The following MYL12B variants were observed in gnomAD, a reference collection of about 807,000 sequenced individuals.
The protein encoded by MYL12B is myosin regulatory light chain 12B.
MYL12B carries 3 observed loss-of-function variants against 12.9 expected under a neutral mutation model. The ratio of observed to expected loss-of-function variants is 0.23; its 90% CI spans 0.11 to 0.60. The LOEUF (loss-of-function observed/expected upper bound fraction) is 0.60. MYL12B is among the 20% of genes least tolerant of loss of function. The pLI is 0.89. For missense variants in MYL12B, 120 were observed against 215.4 expected (o/e 0.56, Z 2.77); for synonymous variants, 57 against 71.9 (o/e 0.79, Z 1.05).
intron 2 of MYL12B, chr18:3,276,959 G>T (rs1382126670): frequency 1.0e-6 from 1 of 982,962 alleles, no homozygotes; most frequent in East Asian, 1.1e-4. Context: ...TAATAATGTG[G>T]CACTGCCTGG....
chr18:3,265,800 A>T (rs1185033030), intron 1 of MYL12B, among the ~76,000 whole-genome samples: 5 of 152,016 alleles, frequency 3.3e-5, no homozygotes, highest in African/African-American at 1.2e-4. Context: ...AGCCAGAGGA[A>T]TTCAGCCAAA....
intron 2 of MYL12B, among the ~76,000 whole-genome samples, chr18:3,274,779 G>T (rs2081715109): frequency 6.6e-6 from 1 of 152,254 alleles, no homozygotes; most frequent in Non-Finnish European, 1.5e-5. Context: ...AACTGTAGAA[G>T]TACGGAGTCT....
At chr18:3,272,789 T>C in intron 1 of MYL12B, 95 bp from the exon 2 acceptor site, 1 of 1,140,340 alleles carries the variant, frequency 8.8e-7, no homozygotes, top group African/African-American at 1.6e-5. Flanking sequence ...CTTATTGATA[T>C]TTTTACCTAC....
At chr18:3,275,962 C>T (rs1464665803) in intron 2 of MYL12B, among the ~76,000 whole-genome samples, 1 of 152,090 alleles carries the variant, frequency 6.6e-6, no homozygotes, top group Non-Finnish European at 1.5e-5. Flanking sequence ...ATGATGTTTA[C>T]ATTTCACCCA....
At position 3,277,846 on chromosome 18, in the gene MYL12B, A is replaced by G. The variant is rs769286250; in HGVS notation, c.428A>G (p.Tyr143Cys). The G allele has an allele frequency of 3.7e-6, 6 of 1,614,140 alleles. No individual in the cohort carries two copies. Among genetic ancestry groups the G allele is most frequent in the Non-Finnish European group, 5.1e-6 (6 of 1,180,012 alleles). The stretch of plus-strand genomic sequence containing the variant: ...ACAGATGAGGAAGTGGATGAGCTGT[A>G]CAGAGAAGCACCTATTGACAAAAAG... ...RFTDEEVDEL[Y>C]REAPIDKKGN... The change falls in exon 4 of 4, where the codon TAC (tyrosine) becomes TGC (cysteine). Residue 143 changes from tyrosine (Y) to cysteine (C), a missense_variant. Physicochemically the swap from Tyr to Cys is radical, Grantham distance 194. Coordinates refer to ENST00000237500, the MANE Select transcript of MYL12B (RefSeq NM_033546.4).
intron 2 of MYL12B, chr18:3,276,619 AAATACAACTTTGAAGCATATC>A (rs1165974129): frequency 1.1e-6 from 1 of 935,466 alleles, no homozygotes; most frequent in Non-Finnish European, 1.3e-6. Context: ...GCCAACTTAT[AAATACAACTTTGAAGCATATC>A]AACTTATGGG....
At chr18:3,266,996 A>G (rs1359862941) in intron 1 of MYL12B, among the ~76,000 whole-genome samples, 3 of 152,252 alleles carry the variant, frequency 2.0e-5, no homozygotes, top group African/African-American at 7.2e-5. Context: ...AACCATAATG[A>G]CAACATTGAA....
chr18:3,267,490 A>G (rs2081642947), intron 1 of MYL12B, among the ~76,000 whole-genome samples: 2 of 152,158 alleles, frequency 1.3e-5, no homozygotes, highest in Non-Finnish European at 2.9e-5. Flanking sequence ...ATTATCAACT[A>G]AGTATGTTGA....
At chr18:3,271,903 A>G (rs1371634509) in intron 1 of MYL12B, 1 of 187,350 alleles carries the variant, frequency 5.3e-6, no homozygotes, top group African/African-American at 2.4e-5. Flanking sequence ...TGGAGGAATG[A>G]TTGGGAAGAA....
chr18:3,277,640 T>C (rs2081744584), intron 3 of MYL12B, 125 bp from the exon 4 acceptor site: 1 of 1,320,776 alleles, frequency 7.6e-7, no homozygotes, highest in Non-Finnish European at 1.0e-6. Context: ...CTTAGTTCAC[T>C]AACTTACTTT....
chr18:3,277,916 A>T lies in MYL12B; in HGVS notation c.498A>T (p.Gly166=). 6.2e-7 allele frequency: 1 copy of T among 1,613,896 alleles called. No individual in the cohort carries two copies. Among genetic ancestry groups the T allele is most frequent in the Non-Finnish European group, 8.5e-7 (1 of 1,179,900 alleles). The part of the protein sequence containing the change: ...YIEFTRILKH[G]AKDKDD ...AGTTCACACGCATCCTGAAACATGG[A>T]GCCAAAGACAAAGATGACTGAAAGA... Residue 166 remains glycine (G), a synonymous_variant, in exon 4 of 4, where the codon GGA becomes GGT. Coordinates refer to ENST00000237500, the MANE Select transcript of MYL12B (RefSeq NM_033546.4).
chr18:3,277,980 CT>C lies in MYL12B; in HGVS notation c.*47del. The C allele has an allele frequency of 6.3e-7, 1 of 1,590,966 alleles. No homozygotes were observed. ...TCTTCCAGTTACATTGTCTTACTCT[CT>C]TTTACTTCTCAGACACTTCCCCCAC... is the stretch of plus-strand genomic sequence containing the variant. On this transcript the variant is annotated 3_prime_UTR_variant, in exon 4 of 4. Transcript: ENST00000237500.
chr18:3,276,946 A>G, intron 2 of MYL12B: 1 of 948,412 alleles, frequency 1.1e-6, no homozygotes, highest in East Asian at 1.2e-4. Context: ...AAAAATTAAG[A>G]TGTAATAATG....
intron 2 of MYL12B, chr18:3,276,690 T>C (rs1299210092): frequency 2.1e-6 from 1 of 476,904 alleles, no homozygotes; most frequent in Non-Finnish European, 2.6e-6. Context: ...TTTAGATTTT[T>C]TTGTATGACT....
At chr18:3,275,345 TAA>T (rs2081720428) in intron 2 of MYL12B, among the ~76,000 whole-genome samples, 1 of 152,062 alleles carries the variant, frequency 6.6e-6, no homozygotes, top group African/African-American at 2.4e-5. Context: ...TGGGAACTGT[TAA>T]TAGATACAAA....
At chr18:3,267,425 G>T (rs1205836566) in intron 1 of MYL12B, among the ~76,000 whole-genome samples, 2 of 152,140 alleles carry the variant, frequency 1.3e-5, no homozygotes, top group Non-Finnish European at 1.5e-5. Flanking sequence ...AATGATGATG[G>T]TGTCCATGTT....
chr18:3,278,052 CT>C lies in MYL12B; in HGVS notation c.*117del, dbSNP rs369668874. On this transcript the variant is annotated 3_prime_UTR_variant, in exon 4 of 4. Transcript: ENST00000237500. ...GCAACTTAGTTTCACAGCTTTGCCTCTTCTTTTTGATGTATTTATTCCAGAC... is the reference window on the plus strand; with the variant it reads ...GCAACTTAGTTTCACAGCTTTGCCTCTCTTTTTGATGTATTTATTCCAGAC... 1.4e-3 allele frequency: 1,894 copies of C among 1,314,246 alleles called. 22 individuals carry two copies. The African/African-American group carries it at 0.025, about 17-fold the overall frequency. The allele number at this position is 1,314,246 out of a possible 1,614,324, so 81.4% of individuals were successfully genotyped here.
rs760732551 is a variant in MYL12B, at chr18:3,272,866, G to GTT, written c.-15-9_-15-8dup. ...ACATTGTTTTGTTTTACGTTTTTGT[G>GTT]TTTTTTTTTTAATCCAGAATTAAAC... On this transcript the variant is annotated splice_polypyrimidine_tract_variant and intron_variant, in intron 1 of 3. Transcript: ENST00000237500. 6.6e-7 allele frequency: 1 copy of GTT among 1,515,092 alleles called. No individual in the cohort carries two copies. The allele number at this position is 1,515,092 out of a possible 1,614,324, so 93.9% of individuals were successfully genotyped here.
intron 1 of MYL12B, among the ~76,000 whole-genome samples, chr18:3,271,002 C>A (rs989479976): frequency 6.6e-6 from 1 of 152,132 alleles, no homozygotes; most frequent in African/African-American, 2.4e-5. Flanking sequence ...ATATTTAACT[C>A]TTTTGGAACT....
Sources: allele counts gnomAD v4.1 joint callset (sites outside exome capture counted in the v4.1 genomes callset), GRCh38; gene constraint gnomAD v4.1.1; transcripts MANE v1.5; gene names NCBI Gene and HGNC (gene_info 2026-07-23, HGNC 2026-07-21).